Variants in TNC observed in about 807,000 individuals in gnomAD.
TNC encodes tenascin.
A neutral mutation model predicts 202.4 loss-of-function variants in TNC; 109 were observed. The observed-to-expected ratio is 0.54, with a 90% CI of 0.46 to 0.63. TNC has a LOEUF of 0.63. Among genes scored for constraint, TNC ranks in the 30% least tolerant of loss-of-function variants. The pLI is 0.00. For synonymous variants in TNC, 1,007 were observed against 1,089.7 expected (o/e 0.92, Z 1.50); for missense variants, 2,756 against 2,833.3 (o/e 0.97, Z 0.62).
Position 115,057,272 on chromosome 9 carries a change from G to C in TNC, c.4460C>G (p.Ser1487Cys), listed in dbSNP as rs1283584536. Reference protein sequence around the residue: ...RLLETVEYNISGAERTAHISG... With the variant: ...RLLETVEYNICGAERTAHISG... The stretch of plus-strand genomic sequence containing the variant: ...GATATGGGCAGTTCGTTCAGCACCA[G>C]AGATATTATATTCCACAGTCTCCAG... The change falls in exon 15 of 28, where the codon TCT becomes TGT. Residue 1487 changes from serine to cysteine, a missense_variant. Ser to Cys is a moderately radical substitution (Grantham distance 112). Coordinates refer to ENST00000350763, the MANE Select transcript of TNC (RefSeq NM_002160.4). The C allele has an allele frequency of 6.2e-7, 1 of 1,614,030 alleles. No individual in the cohort carries two copies. Among genetic ancestry groups the C allele is most frequent in the East Asian group, 2.2e-5 (1 of 44,894 alleles).
intron 1 of TNC, among the ~76,000 whole-genome samples, chr9:115,101,555 G>A (rs1836237392): frequency 1.3e-5 from 2 of 152,266 alleles, no homozygotes; most frequent in East Asian, 3.9e-4. Flanking sequence ...TAGTATTTGT[G>A]ATATTCTTAA....
intron 7 of TNC, 146 bp from the exon 8 acceptor site, chr9:115,076,721 A>T: frequency 2.2e-6 from 2 of 912,668 alleles, no homozygotes; most frequent in East Asian, 2.5e-5. Flanking sequence ...CCCATAGTGG[A>T]TGTGCAAATC....
intron 27 of TNC, 25 bp from the exon 28 acceptor site, chr9:115,021,292 A>G (rs756057404): frequency 1.2e-5 from 19 of 1,561,874 alleles, no homozygotes; most frequent in Non-Finnish European, 1.7e-5. Context: ...AAAGAGAGAG[A>G]GAGAGAGAGA....
intron 1 of TNC, among the ~76,000 whole-genome samples, chr9:115,094,906 G>A (rs1048083986): frequency 6.6e-6 from 1 of 150,646 alleles, no homozygotes; most frequent in African/African-American, 2.4e-5. Flanking sequence ...GGGAGGGAGG[G>A]TTGGTTATGA....
chr9:115,107,846 C>A (rs745691847), intron 1 of TNC, among the ~76,000 whole-genome samples: 3 of 152,206 alleles, frequency 2.0e-5, no homozygotes. Flanking sequence ...TTCAGCAGCT[C>A]TTTGGTGGCT....
At chr9:115,056,264 C>A (rs537447758) in intron 15 of TNC, among the ~76,000 whole-genome samples, 53 of 151,888 alleles carry the variant, frequency 3.5e-4, no homozygotes, top group African/African-American at 1.2e-3. Flanking sequence ...GATATTGTTT[C>A]TTTTTTTCTA....
chr9:115,117,264 C>T (rs1837538057), intron 1 of TNC, among the ~76,000 whole-genome samples: 1 of 152,032 alleles, frequency 6.6e-6, no homozygotes, highest in Non-Finnish European at 1.5e-5. Context: ...GGTTCCCATA[C>T]CTGGGGGATG....
chr9:115,103,250 G>A (rs1194498830), intron 1 of TNC, among the ~76,000 whole-genome samples: 2 of 152,176 alleles, frequency 1.3e-5, no homozygotes, highest in Non-Finnish European at 2.9e-5. Flanking sequence ...TCCTTTGGCA[G>A]AAGGTGGAAT....
intron 25 of TNC, among the ~76,000 whole-genome samples, chr9:115,027,823 T>C (rs1201045444): frequency 1.3e-5 from 2 of 152,144 alleles, no homozygotes; most frequent in Non-Finnish European, 2.9e-5. Flanking sequence ...TCAGCTCAAC[T>C]GTTCATTGGT....
intron 25 of TNC, among the ~76,000 whole-genome samples, chr9:115,028,543 C>G (rs564949685): frequency 1.3e-5 from 2 of 152,202 alleles, no homozygotes; most frequent in African/African-American, 4.8e-5. Flanking sequence ...CACATAAGGG[C>G]TGAGTTTTGG....
chr9:115,104,316 C>G (rs937707937), intron 1 of TNC, among the ~76,000 whole-genome samples: 4 of 152,054 alleles, frequency 2.6e-5, no homozygotes, highest in Non-Finnish European at 5.9e-5. Flanking sequence ...TAGGAAGAAC[C>G]GATTACAGAC....
chr9:115,091,331 A>G (rs1034751406), intron 1 of TNC, among the ~76,000 whole-genome samples, 177 bp from the exon 2 acceptor site: 3 of 152,250 alleles, frequency 2.0e-5, no homozygotes, highest in Non-Finnish European at 4.4e-5. Flanking sequence ...TGTCACTTGA[A>G]GGAATGATTT....
At position 115,087,245 on chromosome 9, in the gene TNC, G is replaced by T. The variant is rs757875236; in HGVS notation, c.486C>A (p.Ser162Arg). The stretch of plus-strand genomic sequence containing the variant: ...CTTCAGTGCTGAAGTTGCCCCGACC[G>T]CTACAGAAGGGCCTGGTGTCCAAGC... Reference protein sequence around the residue: ...TGRLDTRPFCSGRGNFSTEGC... With the variant: ...TGRLDTRPFCRGRGNFSTEGC... The change falls in exon 3 of 28, where the codon AGC becomes AGA. Residue 162 changes from serine to arginine, a missense_variant. Physicochemically the swap from Ser to Arg is moderately radical, Grantham distance 110. Around this residue, in one of 2 missense-constraint regions of TNC, gnomAD observed 2,559 missense variants for 2,546.0 expected, o/e 1.01. Transcript: ENST00000350763. 5 of 1,613,770 alleles carry T rather than the reference G, an allele frequency of 3.1e-6. No individual in the cohort carries two copies. The highest frequency in any genetic ancestry group is 1.7e-4 in the Middle Eastern group (1 of 6,060).
intron 19 of TNC, among the ~76,000 whole-genome samples, chr9:115,039,216 G>A (rs370935812): frequency 1.3e-5 from 2 of 152,154 alleles, no homozygotes; most frequent in East Asian, 1.9e-4. Context: ...CGGTGGTCCC[G>A]GGTTCTACCA....
At chr9:115,116,388 G>A (rs975454899) in intron 1 of TNC, among the ~76,000 whole-genome samples, 10 of 152,250 alleles carry the variant, frequency 6.6e-5, no homozygotes, top group Middle Eastern at 3.4e-3. Context: ...GCCAAAGCAC[G>A]CTGACTTACA....
intron 19 of TNC, among the ~76,000 whole-genome samples, 174 bp from the exon 20 acceptor site, chr9:115,038,554 C>T (rs905307940): frequency 2.6e-5 from 4 of 152,168 alleles, no homozygotes; most frequent in Non-Finnish European, 5.9e-5. Context: ...GTAATGACTC[C>T]CTCCCTTGCT....
At chr9:115,054,572 GA>G (rs1308923499) in intron 15 of TNC, among the ~76,000 whole-genome samples, 2 of 152,182 alleles carry the variant, frequency 1.3e-5, no homozygotes, top group African/African-American at 2.4e-5. Flanking sequence ...TCAGGTTCTT[GA>G]GGTCAGCTTT....
intron 5 of TNC, among the ~76,000 whole-genome samples, chr9:115,082,424 A>T (rs1256611899): frequency 6.6e-6 from 1 of 152,170 alleles, no homozygotes; most frequent in Non-Finnish European, 1.5e-5. Flanking sequence ...CTGAGTAGAG[A>T]TTTCTAAGGT....
intron 15 of TNC, chr9:115,052,971 G>C: frequency 1.4e-6 from 1 of 702,528 alleles, no homozygotes. Flanking sequence ...AAGCTTTTTG[G>C]AGTAATATTG....
Sources: gnomAD v4.1 joint callset for allele counts (sites outside exome capture counted in the v4.1 genomes callset) on GRCh38, gnomAD v4.1.1 for gene constraint, gnomAD v4.1.1 regional missense constraint, MANE v1.5 for transcripts, NCBI Gene and HGNC (gene_info 2026-07-23, HGNC 2026-07-21) for gene names.